The following PRKN variants were observed in gnomAD, a reference collection of about 807,000 sequenced individuals.
The protein encoded by PRKN is E3 ubiquitin-protein ligase parkin.
PRKN carries 56 observed loss-of-function variants against 59.5 expected under a neutral mutation model. The ratio of observed to expected loss-of-function variants is 0.94; its 90% CI spans 0.76 to 1.18. The LOEUF (loss-of-function observed/expected upper bound fraction) is 1.18, where lower values mean the gene tolerates loss of function less well. Ranked by LOEUF, PRKN falls within the 50% of genes most tolerant of loss-of-function variation. The pLI is 0.00. For missense variants in PRKN, 657 were observed against 596.4 expected, an observed-to-expected ratio of 1.10 and a Z score of -1.06; for synonymous variants, 250 against 222.1, an observed-to-expected ratio of 1.13 and a Z score of -1.12.
At chr6:162,505,117 C>T (rs1583686127) in intron 1 of PRKN, among the ~76,000 whole-genome samples, 1 of 152,126 alleles carries the variant, frequency 6.6e-6, no homozygotes, top group East Asian at 1.9e-4. Context: ...TTTGTATGAC[C>T]AGATAGAGAG....
intron 9 of PRKN, among the ~76,000 whole-genome samples, chr6:161,516,467 TA>T (rs376373455): frequency 0.12 from 2,821 of 22,816 alleles, 147 homozygotes; most frequent in African/African-American, 0.23. Context: ...AGGCTCCTTC[TA>T]AAAAAAAAAA....
chr6:161,674,116 G>C (rs916564619), intron 7 of PRKN, among the ~76,000 whole-genome samples: 10 of 152,054 alleles, frequency 6.6e-5, no homozygotes, highest in Non-Finnish European at 1.5e-4. Flanking sequence ...AGAAACAAAG[G>C]GGGAGAAGGG....
intron 1 of PRKN, among the ~76,000 whole-genome samples, chr6:162,494,074 C>T (rs1051279680): frequency 2.6e-5 from 4 of 152,330 alleles, no homozygotes; most frequent in East Asian, 3.9e-4. Context: ...GGAGATGCTG[C>T]AATGTGCCAC....
intron 3 of PRKN, among the ~76,000 whole-genome samples, chr6:162,227,468 A>T (rs1403853162): frequency 1.3e-5 from 2 of 152,128 alleles, no homozygotes; most frequent in African/African-American, 4.8e-5. Context: ...AACATATCCA[A>T]TTATAGTTTA....
chr6:162,003,711 A>G lies in PRKN; in HGVS notation c.619-30294T>C, dbSNP rs559824834. ...TTATGCATTGACCTGTTAAAGATCA[A>G]TTGGAACACCTCATAATATAGCCTA... On this transcript the variant is annotated intron_variant, in intron 5 of 11. Coordinates refer to ENST00000366898, the MANE Select transcript of PRKN (RefSeq NM_004562.3). Among the ~76,000 whole-genome samples the G allele has an allele frequency of 1.1e-3, 169 of 152,326 alleles. 3 individuals carry two copies. The South Asian group carries it at 0.033, about 30-fold the overall frequency.
intron 7 of PRKN, among the ~76,000 whole-genome samples, chr6:161,623,233 T>C (rs950378894): frequency 6.6e-6 from 1 of 152,202 alleles, no homozygotes; most frequent in African/African-American, 2.4e-5. Flanking sequence ...GGGACTCCCA[T>C]TACTTTCCCT....
chr6:161,903,135 G>A (rs547159361), intron 6 of PRKN, among the ~76,000 whole-genome samples: 138 of 152,234 alleles, frequency 9.1e-4, no homozygotes, highest in African/African-American at 3.3e-3. Flanking sequence ...TCTAGTGAGA[G>A]GGATTTAGAG....
Position 161,395,392 on chromosome 6 carries a change from G to A in PRKN, c.1084-8515C>T, listed in dbSNP as rs151207391. Among the ~76,000 whole-genome samples, 3 of 152,228 alleles carry A rather than the reference G, an allele frequency of 2.0e-5. No homozygotes were observed. The highest frequency in any genetic ancestry group is 7.2e-5 in the African/African-American group (3 of 41,536). ...ACCAGCCCCTCCGATCAGCATTTAG[G>A]TCCTTCCAATATTTTGCCATGACAA... On this transcript the variant is annotated intron_variant, in intron 9 of 11. Transcript: ENST00000366898. The surrounding 1 kb of genome is among the most constrained non-coding windows in gnomAD (Gnocchi z 5.0).
At chr6:162,219,117 G>A (rs1777825386) in intron 3 of PRKN, among the ~76,000 whole-genome samples, 1 of 152,130 alleles carries the variant, frequency 6.6e-6, no homozygotes. Context: ...CTTGAACCCA[G>A]TAGGTCAAGG....
At chr6:162,233,500 T>C (rs1318206021) in intron 3 of PRKN, among the ~76,000 whole-genome samples, 1 of 152,114 alleles carries the variant, frequency 6.6e-6, no homozygotes, top group Non-Finnish European at 1.5e-5. Flanking sequence ...TAATGGAAAG[T>C]GAAATACTGT....
chr6:161,826,962 A>G (rs1792271326), intron 6 of PRKN, among the ~76,000 whole-genome samples: 1 of 152,234 alleles, frequency 6.6e-6, no homozygotes, highest in Admixed American at 6.5e-5. Context: ...AAGATGACAC[A>G]GCACCACGTC....
intron 1 of PRKN, among the ~76,000 whole-genome samples, chr6:162,658,167 A>G (rs1778723222): frequency 6.6e-6 from 1 of 152,148 alleles, no homozygotes; most frequent in Admixed American, 6.5e-5. Context: ...TTTTGTTCCT[A>G]TACATTTCTT....
chr6:162,624,250 C>CAAAAAAA (rs752288555), intron 1 of PRKN: 1 of 127,524 alleles, frequency 7.8e-6, no homozygotes, highest in Non-Finnish European at 1.7e-5. Flanking sequence ...TCTGTCTCCA[C>CAAAAAAA]AAAAAAAAAA....
chr6:161,492,836 G>A (rs1037428626), intron 9 of PRKN, among the ~76,000 whole-genome samples: 1 of 152,174 alleles, frequency 6.6e-6, no homozygotes, highest in African/African-American at 2.4e-5. Context: ...TGAACGTGGT[G>A]TTCCCAGTGG....
chr6:161,849,978 C>CCAATATACATTTACTGCTTAT (rs1793358820), intron 6 of PRKN, among the ~76,000 whole-genome samples: 1 of 151,666 alleles, frequency 6.6e-6, no homozygotes, highest in Non-Finnish European at 1.5e-5. Context: ...CAGCCCAGCA[C>CCAATATACATTTACTGCTTAT]AGTCCCAAGG....
At chr6:162,446,477 C>A (rs958762907) in intron 1 of PRKN, among the ~76,000 whole-genome samples, 3 of 152,070 alleles carry the variant, frequency 2.0e-5, no homozygotes, top group Non-Finnish European at 4.4e-5. Context: ...ATTAAAGATA[C>A]CTCTGTCCAA....
chr6:161,451,180 G>A lies in PRKN; in HGVS notation c.1084-64303C>T, dbSNP rs1401934192. 2.0e-5 allele frequency among the ~76,000 whole-genome samples: 3 copies of A among 152,060 alleles called. No individual in the cohort carries two copies. The highest frequency in any genetic ancestry group is 2.0e-4 in the Admixed American group (3 of 15,268). ...TCCCAGCACCGCAGAAAATCATCTT[G>A]AACACCTCCCAAGGCCAATCTCCCA... On this transcript the variant is annotated intron_variant, in intron 9 of 11. Transcript: ENST00000366898. This position sits in a 1 kb window ranked among gnomAD's most constrained non-coding sequence, Gnocchi z 5.9.
chr6:162,543,499 A>G (rs1251655481), intron 1 of PRKN, among the ~76,000 whole-genome samples: 5 of 151,946 alleles, frequency 3.3e-5, no homozygotes, highest in Admixed American at 3.3e-4. Flanking sequence ...TCCTAAACCC[A>G]GGTAGCCTTT....
At chr6:162,125,948 T>A (rs1454343615) in intron 4 of PRKN, among the ~76,000 whole-genome samples, 3 of 152,204 alleles carry the variant, frequency 2.0e-5, no homozygotes, top group African/African-American at 7.2e-5. Context: ...TCGTCAGATC[T>A]ATTAGATATG....
Sources: gnomAD v4.1 joint callset for allele counts (sites outside exome capture counted in the v4.1 genomes callset) on GRCh38, gnomAD v4.1.1 for gene constraint, Gnocchi (gnomAD v3.1) non-coding constraint, MANE v1.5 for transcripts, NCBI Gene and HGNC (gene_info 2026-07-23, HGNC 2026-07-21) for gene names.